The following ABR variants were observed in gnomAD, a reference collection of about 807,000 sequenced individuals.
ABR encodes ABR activator of RhoGEF and GTPase.
ABR carries 35 observed loss-of-function variants against 107.2 expected under a neutral mutation model. The ratio of observed to expected loss-of-function variants is 0.33; its 90% CI spans 0.25 to 0.43. The LOEUF is 0.43. ABR is among the 20% of genes least tolerant of loss of function. The probability of loss-of-function intolerance (pLI) is 1.00; values close to 1 mark genes in which losing one functional copy is unlikely to be tolerated. For synonymous variants in ABR, 498 were observed against 462.0 expected (o/e 1.08, Z -1.00); for missense variants, 815 against 1,115.2 (o/e 0.73, Z 3.83).
At position 1,005,923 on chromosome 17, in the gene ABR, C is replaced by T; in HGVS notation, c.*157G>A. On this transcript the variant is annotated 3_prime_UTR_variant, in exon 23 of 23. Coordinates refer to ENST00000302538, the MANE Select transcript of ABR (RefSeq NM_021962.5). The stretch of plus-strand genomic sequence containing the variant: ...GGGCAGCCGGCTTTGTACAAGGTGG[C>T]ACAAAAGACGTACGCATTCCAGTTC... The T allele has an allele frequency of 4.2e-6, 3 of 713,576 alleles. No individual in the cohort carries two copies. Among genetic ancestry groups the T allele is most frequent in the Non-Finnish European group, 2.4e-6 (1 of 417,294 alleles). The allele number at this position is 713,576 out of a possible 1,614,324, so 44.2% of individuals were successfully genotyped here. A position where few individuals can be genotyped will look rare whatever the true frequency, so the allele number is the denominator to read the frequency against.
At position 1,022,118 on chromosome 17, in the gene ABR, A is replaced by AT. The variant is rs67306975; in HGVS notation, c.1792-8955_1792-8954insA. ...CAAGACTCTGTCTCAAAAAAAAAAA[A>AT]AAAAAAACAGAAAATGACTCCAGAA... On this transcript the variant is annotated intron_variant, in intron 16 of 22. Coordinates refer to ENST00000302538, the MANE Select transcript of ABR (RefSeq NM_021962.5). Among the ~76,000 whole-genome samples the AT allele has an allele frequency of 2.7e-5, 4 of 150,582 alleles. 1 individual carries two copies. Among genetic ancestry groups the AT allele is most frequent in the Admixed American group, 1.3e-4 (2 of 15,140 alleles).
chr17:1,207,135 G>T (rs2042803616), intron 1 of ABR, among the ~76,000 whole-genome samples: 1 of 151,380 alleles, frequency 6.6e-6, no homozygotes, highest in African/African-American at 2.4e-5. Context: ...TATAGTCCCA[G>T]CTACTACTCC....
chr17:1,018,343 G>A (rs1237525257), intron 16 of ABR, among the ~76,000 whole-genome samples: 3 of 152,150 alleles, frequency 2.0e-5, no homozygotes, highest in Admixed American at 6.5e-5. Flanking sequence ...CGCCTGGCCC[G>A]GGCCCTTATT....
At chr17:1,126,666 G>C (rs1326313100) in intron 1 of ABR, 2 of 152,306 alleles carry the variant, frequency 1.3e-5, no homozygotes, top group Non-Finnish European at 2.9e-5. Flanking sequence ...CAGTGTGATG[G>C]GGGAGGCTGG....
chr17:1,107,596 G>A (rs1486612528), intron 2 of ABR, among the ~76,000 whole-genome samples: 2 of 152,286 alleles, frequency 1.3e-5, no homozygotes, highest in Non-Finnish European at 2.9e-5. Context: ...AGGCCCATGA[G>A]GGCCACACAC....
intron 3 of ABR, among the ~76,000 whole-genome samples, chr17:1,094,288 T>C (rs1567742902): frequency 6.6e-6 from 1 of 151,924 alleles, no homozygotes; most frequent in Non-Finnish European, 1.5e-5. Context: ...AGCAGCCTCA[T>C]GTGTGAAACT....
At chr17:1,022,259 G>A (rs1030773034) in intron 16 of ABR, among the ~76,000 whole-genome samples, 7 of 152,196 alleles carry the variant, frequency 4.6e-5, no homozygotes, top group South Asian at 2.1e-4. Context: ...GCCAGGCATC[G>A]GGTCTGAGGG....
chr17:1,057,308 T>TG lies in ABR; in HGVS notation c.1382-207_1382-206insC, dbSNP rs1567668733. The stretch of plus-strand genomic sequence containing the variant: ...AGTAGGAGAATCTAACTGAAGAGGT[T>TG]TGTGTGTGTGTGTGTGTGTGTGTGT... On this transcript the variant is annotated intron_variant, in intron 12 of 22. Coordinates refer to ENST00000302538, the MANE Select transcript of ABR (RefSeq NM_021962.5). Among the ~76,000 whole-genome samples, 84 of 68,026 alleles carry TG rather than the reference T, an allele frequency of 1.2e-3. 1 individual carries two copies. The highest frequency in any genetic ancestry group is 2.3e-3 in the African/African-American group (41 of 17,840). The allele number at this position is 68,026 out of a possible 152,430, so 44.6% of individuals were successfully genotyped here. A position where few individuals can be genotyped will look rare whatever the true frequency, so the allele number is the denominator to read the frequency against.
At chr17:1,083,941 G>A (rs1242884301) in intron 4 of ABR, among the ~76,000 whole-genome samples, 1 of 152,092 alleles carries the variant, frequency 6.6e-6, no homozygotes, top group African/African-American at 2.4e-5. Context: ...CACGGTGAAG[G>A]TCTCCCAGGG....
In ABR at chr17:1,078,735, C is replaced by A. The variant is rs934755740; in HGVS notation, c.700+595G>T. On this transcript the variant is annotated intron_variant, in intron 6 of 22. Coordinates refer to ENST00000302538, the MANE Select transcript of ABR (RefSeq NM_021962.5). This position sits in a 1 kb window ranked among gnomAD's most constrained non-coding sequence, Gnocchi z 7.5. ...CTTCCCTGCGGCCCTCTAACCTCCC[C>A]GGCCACATCTAAGCCCACTCCAGCC... is the stretch of plus-strand genomic sequence containing the variant. 1 of 1,444,310 alleles carries A rather than the reference C, an allele frequency of 6.9e-7. No homozygotes were observed. Among genetic ancestry groups the A allele is most frequent in the South Asian group, 1.2e-5 (1 of 81,100 alleles). The allele number at this position is 1,444,310 out of a possible 1,614,324, so 89.5% of individuals were successfully genotyped here. A position where few individuals can be genotyped will look rare whatever the true frequency, so the allele number is the denominator to read the frequency against.
intron 11 of ABR, 126 bp downstream of exon 11, chr17:1,058,619 T>C (rs2033604219): frequency 4.7e-6 from 6 of 1,286,442 alleles, no homozygotes; most frequent in Non-Finnish European, 5.3e-6. Flanking sequence ...GCTGGAGCCA[T>C]GGCAGCCTCC....
upstream of ABR, among the ~76,000 whole-genome samples, chr17:1,180,135 G>A (rs1453627048): frequency 6.6e-6 from 1 of 151,728 alleles, no homozygotes; most frequent in Non-Finnish European, 1.5e-5. Flanking sequence ...TAAGGGGGCA[G>A]CGGGGCTCCG....
At chr17:1,061,208 G>A (rs922749569) in intron 10 of ABR, among the ~76,000 whole-genome samples, 3 of 151,928 alleles carry the variant, frequency 2.0e-5, no homozygotes, top group Admixed American at 6.5e-5. Flanking sequence ...CTGTTGACTC[G>A]ACTGGGCACA....
intron 1 of ABR, among the ~76,000 whole-genome samples, chr17:1,146,539 T>C (rs1460333618): frequency 6.6e-6 from 1 of 152,146 alleles, no homozygotes; most frequent in Non-Finnish European, 1.5e-5. Context: ...ATTCTGCCAC[T>C]TCCCCTAGAA....
intron 11 of ABR, 88 bp from the exon 12 acceptor site, chr17:1,058,133 T>TAA: frequency 2.2e-5 from 13 of 582,888 alleles, no homozygotes; most frequent in Non-Finnish European, 3.3e-5. Context: ...AAGCTCCTTT[T>TAA]ATCTTTTTTT....
Position 1,173,330 on chromosome 17 carries a change from CCAACACATCACCTCAGTCCACT to C in ABR, c.61+6315_61+6336del, listed in dbSNP as rs1167955747. On this transcript the variant is annotated intron_variant, in intron 1 of 22. Coordinates refer to ENST00000302538, the MANE Select transcript of ABR (RefSeq NM_021962.5). Reference sequence around the variant, plus strand: ...CACCCCCCCCATCACCTCAGCCCACCCAACACATCACCTCAGTCCACTCAACACATCACCTCAGCCCACCCCC... The same window carrying C: ...CACCCCCCCCATCACCTCAGCCCACCCAACACATCACCTCAGCCCACCCCC... Among the ~76,000 whole-genome samples, 172 of 126,548 alleles carry C rather than the reference CCAACACATCACCTCAGTCCACT, an allele frequency of 1.4e-3. 3 individuals are homozygous for C. The highest frequency in any genetic ancestry group is 4.5e-3 in the African/African-American group (157 of 35,230). The allele number at this position is 126,548 out of a possible 152,430, so 83.0% of individuals were successfully genotyped here.
intron 16 of ABR, among the ~76,000 whole-genome samples, chr17:1,035,963 C>G (rs959055807): frequency 6.6e-6 from 1 of 151,768 alleles, no homozygotes; most frequent in Admixed American, 6.6e-5. Flanking sequence ...CTGCCCTGTG[C>G]GAGCGGGAGG....
At chr17:1,203,242 C>T (rs901821341) in intron 1 of ABR, among the ~76,000 whole-genome samples, 1 of 151,916 alleles carries the variant, frequency 6.6e-6, no homozygotes, top group Non-Finnish European at 1.5e-5. Context: ...CCTGGGGAGA[C>T]TCCTTGGAAG....
intron 1 of ABR, among the ~76,000 whole-genome samples, chr17:1,130,075 T>C (rs535917109): frequency 6.6e-5 from 10 of 152,246 alleles, no homozygotes; most frequent in African/African-American, 2.4e-4. Flanking sequence ...AGACAGCAGG[T>C]GAATGGGTGT....
Sources: gnomAD v4.1 joint callset for allele counts (sites outside exome capture counted in the v4.1 genomes callset) on GRCh38, gnomAD v4.1.1 for gene constraint, Gnocchi (gnomAD v3.1) non-coding constraint, MANE v1.5 for transcripts, NCBI Gene and HGNC (gene_info 2026-07-23, HGNC 2026-07-21) for gene names.